FRYL: variants seen among roughly 807,000 people sequenced by gnomAD.
FRYL encodes FRY like transcription coactivator.
A neutral mutation model predicts 351.2 loss-of-function variants in FRYL; 150 were observed. The observed-to-expected ratio is 0.43, with a 90% CI of 0.37 to 0.49. The LOEUF (loss-of-function observed/expected upper bound fraction) is 0.49, where lower values mean the gene tolerates loss of function less well. FRYL is among the 20% of genes least tolerant of loss of function. FRYL has a pLI of 0.00. For synonymous variants in FRYL, 1,153 were observed against 1,257.1 expected, an observed-to-expected ratio of 0.92 and a Z score of 1.75; for missense variants, 3,036 against 3,619.3, an observed-to-expected ratio of 0.84 and a Z score of 4.13.
intron 3 of FRYL, among the ~76,000 whole-genome samples, chr4:48,649,016 CTT>C (rs926498336): frequency 6.6e-5 from 10 of 152,106 alleles, no homozygotes; most frequent in African/African-American, 2.4e-4. Flanking sequence ...TAATATTCCT[CTT>C]GAGATTTTCA....
intron 4 of FRYL, among the ~76,000 whole-genome samples, chr4:48,628,294 T>C (rs1752245533): frequency 6.6e-6 from 1 of 152,144 alleles, no homozygotes; most frequent in African/African-American, 2.4e-5. Flanking sequence ...AAACTATATA[T>C]GTAATATTCG....
intron 3 of FRYL, chr4:48,637,618 T>G (rs1754501415): frequency 1.3e-5 from 2 of 152,030 alleles, no homozygotes; most frequent in Admixed American, 1.3e-4. Context: ...TTAAACATAC[T>G]TGGAATATAA....
chr4:48,508,590 TG>T (rs1721801578), intron 59 of FRYL, among the ~76,000 whole-genome samples: 1 of 152,212 alleles, frequency 6.6e-6, no homozygotes, highest in South Asian at 2.1e-4. Context: ...ATGTGCTGGC[TG>T]GGAGTTTCTT....
rs189786553 is a variant in FRYL at position 48,774,815 on chromosome 4, G to A, written c.-384+5263C>T. ...GCCCACCTCAGTCTCCGAGTGCCGG[G>A]ATTACAGGCGTGAGCCACCGCGTCC... On this transcript the variant is annotated intron_variant, in intron 1 of 63. Transcript: ENST00000358350. 9.9e-3 allele frequency among the ~76,000 whole-genome samples: 1,514 copies of A among 152,206 alleles called. 8 individuals carry two copies. The highest frequency in any genetic ancestry group is 0.016 in the South Asian group (77 of 4,826).
At chr4:48,754,771 C>A (rs191805351) in intron 1 of FRYL, among the ~76,000 whole-genome samples, 1 of 150,636 alleles carries the variant, frequency 6.6e-6, no homozygotes, top group African/African-American at 2.4e-5. Flanking sequence ...CCTTCCAAGT[C>A]GCTGGGACTA....
rs1410858248 is a variant in FRYL, at chr4:48,543,884, G to A, written c.5515C>T (p.Pro1839Ser). 2 of 1,613,754 alleles carry A rather than the reference G, an allele frequency of 1.2e-6. No homozygotes were observed. The highest frequency in any genetic ancestry group is 3.3e-5 in the Admixed American group (2 of 59,980). ...SFQIFRALKQ[P>S]LTATTLSDVL... is the part of the protein sequence containing the mutation. ...TCAGAAAGTGTAGTTGCAGTGAGAG[G>A]CTGCTTTAGGGCCCTGAAAATCTGA... The change falls in exon 44 of 64, where the codon CCT (proline) becomes TCT (serine). Residue 1839 changes from proline (P) to serine (S), a missense_variant. Pro to Ser is a moderately conservative substitution (Grantham distance 74, BLOSUM62 -1). Coordinates refer to ENST00000358350, the MANE Select transcript of FRYL (RefSeq NM_015030.2).
intron 3 of FRYL, among the ~76,000 whole-genome samples, chr4:48,675,382 C>T (rs371040991): frequency 2.6e-5 from 4 of 152,208 alleles, no homozygotes; most frequent in South Asian, 2.1e-4. Flanking sequence ...GCGGCGCTTG[C>T]GGGCCAGCTG....
intron 59 of FRYL, among the ~76,000 whole-genome samples, chr4:48,507,691 A>G (rs1352886088): frequency 7.2e-6 from 1 of 138,090 alleles, no homozygotes; most frequent in Non-Finnish European, 1.5e-5. Context: ...TGGGCTGGGA[A>G]AACAGTTTTC....
intron 33 of FRYL, among the ~76,000 whole-genome samples, chr4:48,557,994 A>C (rs1323360200): frequency 6.6e-6 from 1 of 152,226 alleles, no homozygotes. Context: ...TTTCTGGGAA[A>C]CAGTATGATG....
chr4:48,681,858 T>A (rs1764658902), intron 3 of FRYL, among the ~76,000 whole-genome samples: 1 of 152,148 alleles, frequency 6.6e-6, no homozygotes. Flanking sequence ...ACATTATATG[T>A]TTTTCAAAAT....
chr4:48,618,847 C>G (rs530292663), intron 7 of FRYL: 1 of 154,270 alleles, frequency 6.5e-6, no homozygotes, highest in Non-Finnish European at 1.4e-5. Context: ...AACATTTGCA[C>G]ATGACAATTC....
intron 1 of FRYL, among the ~76,000 whole-genome samples, chr4:48,763,918 C>T (rs934821229): frequency 6.6e-6 from 1 of 152,046 alleles, no homozygotes; most frequent in Non-Finnish European, 1.5e-5. Flanking sequence ...TCTGTAATCC[C>T]AGCACTTCGG....
intron 1 of FRYL, among the ~76,000 whole-genome samples, chr4:48,721,111 C>T (rs1377723811): frequency 6.6e-6 from 1 of 152,188 alleles, no homozygotes; most frequent in African/African-American, 2.4e-5. Context: ...CCTCCCATGT[C>T]ACTATCCTAT....
At chr4:48,714,222 A>G (rs559593509) in intron 1 of FRYL, among the ~76,000 whole-genome samples, 3 of 152,130 alleles carry the variant, frequency 2.0e-5, no homozygotes, top group East Asian at 3.9e-4. Context: ...CTAGAAAAGC[A>G]AGAGCAAACA....
intron 2 of FRYL, among the ~76,000 whole-genome samples, chr4:48,706,519 T>G (rs1247955071): frequency 1.3e-5 from 2 of 152,168 alleles, no homozygotes; most frequent in African/African-American, 4.8e-5. Flanking sequence ...TTAATGGGTA[T>G]AGAGTTTCAT....
chr4:48,746,106 T>C (rs1772647884), intron 1 of FRYL, among the ~76,000 whole-genome samples: 1 of 152,196 alleles, frequency 6.6e-6, no homozygotes, highest in African/African-American at 2.4e-5. Flanking sequence ...TTCAAATCAA[T>C]CAAGCACCTC....
rs536044811 is a variant in FRYL at position 48,571,867 on chromosome 4, A to AG, written c.2905-950_2905-949insC. ...CAACTATAACTCACATTCAAGGCAC[A>AG]TCACTGCATGTGTTTAATAGCATTC... On this transcript the variant is annotated intron_variant, in intron 26 of 63. Coordinates refer to ENST00000358350, the MANE Select transcript of FRYL (RefSeq NM_015030.2). The AG allele has an allele frequency of 2.3e-5, 23 of 985,354 alleles. No individual in the cohort carries two copies. In the South Asian group the frequency reaches 9.9e-4, roughly 42 times the overall value. The allele number at this position is 985,354 out of a possible 1,614,324, so 61.0% of individuals were successfully genotyped here.
intron 32 of FRYL, among the ~76,000 whole-genome samples, chr4:48,562,167 T>C (rs1303486664): frequency 6.6e-6 from 1 of 152,158 alleles, no homozygotes; most frequent in East Asian, 1.9e-4. Context: ...ATTTACCACT[T>C]TTCTCGCACA....
At position 48,577,305 on chromosome 4, in the gene FRYL, G is replaced by T. The variant is rs1183595783; in HGVS notation, c.2529-1083C>A. On this transcript the variant is annotated intron_variant, in intron 23 of 63. Transcript: ENST00000358350. The stretch of plus-strand genomic sequence containing the variant: ...AATACCGAAATTATGTTAGAATTAA[G>T]AACTGAGAGCAAAACGAAAGAGGAA... Among the ~76,000 whole-genome samples, 4 of 152,124 alleles carry T rather than the reference G, an allele frequency of 2.6e-5. No individual in the cohort carries two copies. The East Asian group carries it at 5.8e-4, about 22-fold the overall frequency.
Sources: allele counts gnomAD v4.1 joint callset (sites outside exome capture counted in the v4.1 genomes callset), GRCh38; gene constraint gnomAD v4.1.1; transcripts MANE v1.5; gene names NCBI Gene and HGNC (gene_info 2026-07-23, HGNC 2026-07-21).